Variants in AFG1L observed in about 807,000 individuals in gnomAD.
AFG1L encodes AFG1 like ATPase.
In AFG1L, 53 loss-of-function variants were observed where a neutral mutation model predicts 62.2. That is an observed-to-expected ratio of 0.85 (90% CI 0.68 to 1.07). AFG1L has a LOEUF of 1.07. Among genes scored for constraint, AFG1L ranks in the 50% least tolerant of loss-of-function variants. The pLI, the probability that AFG1L is intolerant of heterozygous loss-of-function variation, is 0.00. For synonymous variants in AFG1L, 228 were observed against 210.3 expected (o/e 1.08, Z -0.73); for missense variants, 555 against 590.5 (o/e 0.94, Z 0.62).
intron 11 of AFG1L, among the ~76,000 whole-genome samples, chr6:108,512,259 T>G (rs1390672305): frequency 6.6e-6 from 1 of 152,158 alleles, no homozygotes; most frequent in Non-Finnish European, 1.5e-5. Flanking sequence ...TGCAGCAACC[T>G]CTCTGGGATG....
At position 108,477,261 on chromosome 6, in the gene AFG1L, C is replaced by G; in HGVS notation, c.1031C>G (p.Ala344Gly). 1 of 1,609,056 alleles carries G rather than the reference C, an allele frequency of 6.2e-7. No individual in the cohort carries two copies. Among genetic ancestry groups the G allele is most frequent in the Non-Finnish European group, 8.5e-7 (1 of 1,176,480 alleles). ...CTGAATAAAGCCTGTGGAACCGTTG[C>G]CGACTGCACATTTGAAGAGCTGTGT... Reference protein sequence around the residue: ...LRLNKACGTVADCTFEELCER... With the variant: ...LRLNKACGTVGDCTFEELCER... The change falls in exon 10 of 13, where the codon GCC becomes GGC. Residue 344 changes from alanine (A) to glycine (G), a missense_variant. Ala to Gly is a moderately conservative substitution (Grantham distance 60). Transcript: ENST00000368977.
rs572342647 is a variant in AFG1L at position 108,341,936 on chromosome 6, G to C, written c.364-5052G>C. 2.6e-5 allele frequency among the ~76,000 whole-genome samples: 4 copies of C among 152,246 alleles called. No individual in the cohort carries two copies. The East Asian group carries it at 5.8e-4, about 22-fold the overall frequency. On this transcript the variant is annotated intron_variant, in intron 2 of 12. Coordinates refer to ENST00000368977, the MANE Select transcript of AFG1L (RefSeq NM_145315.5). ...TGTGTGCATTTTGGGAGTCCGGGAT[G>C]TATCAGAGTCCTGGCAGAAAACAAT...
chr6:108,482,473 A>T (rs956297897), intron 10 of AFG1L, among the ~76,000 whole-genome samples: 1 of 152,166 alleles, frequency 6.6e-6, no homozygotes, highest in Admixed American at 6.5e-5. Context: ...TCTTACATTC[A>T]TATGGTATAT....
Position 108,341,579 on chromosome 6 carries a change from G to T in AFG1L, c.364-5409G>T, listed in dbSNP as rs570409875. On this transcript the variant is annotated intron_variant, in intron 2 of 12. Coordinates refer to ENST00000368977, the MANE Select transcript of AFG1L (RefSeq NM_145315.5). Reference sequence around the variant, plus strand: ...GGAGAGTTGAGAGGGCTTACCCAGGGTCACCTAGCTAATAAATAGCCAGCC... The same window carrying T: ...GGAGAGTTGAGAGGGCTTACCCAGGTTCACCTAGCTAATAAATAGCCAGCC... Among the ~76,000 whole-genome samples, 27 of 152,188 alleles carry T rather than the reference G, an allele frequency of 1.8e-4. No homozygotes were observed. The South Asian group carries it at 5.4e-3, about 30-fold the overall frequency.
chr6:108,302,307 C>T (rs1174819573), intron 1 of AFG1L, among the ~76,000 whole-genome samples: 1 of 152,090 alleles, frequency 6.6e-6, no homozygotes. Flanking sequence ...CTCCGGTCTC[C>T]CATTTTTACT....
At chr6:108,362,097 C>CT (rs957377202) in intron 5 of AFG1L, among the ~76,000 whole-genome samples, 2 of 152,154 alleles carry the variant, frequency 1.3e-5, no homozygotes, top group Non-Finnish European at 2.9e-5. Flanking sequence ...TCCCACTCCC[C>CT]TTACATATAA....
At chr6:108,372,536 G>C (rs1780058948) in intron 6 of AFG1L, among the ~76,000 whole-genome samples, 1 of 151,920 alleles carries the variant, frequency 6.6e-6, no homozygotes, top group African/African-American at 2.4e-5. Flanking sequence ...CACTATGTTG[G>C]CCAGGCTGGT....
At chr6:108,444,963 A>G (rs922798674) in intron 7 of AFG1L, among the ~76,000 whole-genome samples, 1 of 152,198 alleles carries the variant, frequency 6.6e-6, no homozygotes, top group African/African-American at 2.4e-5. Flanking sequence ...CTTTCTAGCT[A>G]TGAAAGTCCT....
chr6:108,365,835 TTTA>T (rs1317735277), intron 5 of AFG1L, among the ~76,000 whole-genome samples: 4 of 152,008 alleles, frequency 2.6e-5, no homozygotes, highest in Non-Finnish European at 4.4e-5. Flanking sequence ...GCCTGTGTAT[TTTA>T]TTATTATTAT....
chr6:108,522,120 A>T (rs1010038230), intron 12 of AFG1L, 177 bp from the exon 13 acceptor site: 19 of 473,556 alleles, frequency 4.0e-5, no homozygotes, highest in African/African-American at 2.7e-4. Context: ...ACTGCCTATC[A>T]GTTTAAATTG....
At chr6:108,502,088 G>A (rs889174236) in intron 10 of AFG1L, among the ~76,000 whole-genome samples, 4 of 152,098 alleles carry the variant, frequency 2.6e-5, no homozygotes, top group African/African-American at 4.8e-5. Flanking sequence ...GTGCAGTGGC[G>A]TGATCTCGGC....
At chr6:108,313,320 C>T (rs1029429227) in intron 1 of AFG1L, among the ~76,000 whole-genome samples, 1 of 152,156 alleles carries the variant, frequency 6.6e-6, no homozygotes, top group African/African-American at 2.4e-5. Context: ...TCAGTTTCTT[C>T]ATCTTTAAAG....
chr6:108,347,819 T>A (rs1379129845), intron 3 of AFG1L, among the ~76,000 whole-genome samples: 2 of 152,206 alleles, frequency 1.3e-5, no homozygotes, highest in East Asian at 1.9e-4. Flanking sequence ...ATGTCTTTTT[T>A]AATTTTTTAA....
intron 6 of AFG1L, among the ~76,000 whole-genome samples, chr6:108,380,590 AT>A (rs1329521318): frequency 2.6e-5 from 4 of 152,316 alleles, no homozygotes; most frequent in East Asian, 3.9e-4. Flanking sequence ...GAGGCCCCCT[AT>A]CCAACTCTGG....
chr6:108,316,311 G>A (rs1369347567), intron 1 of AFG1L, among the ~76,000 whole-genome samples: 1 of 137,670 alleles, frequency 7.3e-6, no homozygotes, highest in Non-Finnish European at 1.6e-5. Flanking sequence ...AACCCGGGAG[G>A]CGGAGCTTGC....
intron 10 of AFG1L, among the ~76,000 whole-genome samples, chr6:108,494,074 G>A (rs187666901): frequency 9.3e-4 from 141 of 152,128 alleles, no homozygotes; most frequent in Middle Eastern, 3.4e-3. Context: ...CGCCCGTCTC[G>A]GCCTCCCAAA....
At chr6:108,325,107 C>T (rs1188612661) in intron 2 of AFG1L, among the ~76,000 whole-genome samples, 1 of 152,212 alleles carries the variant, frequency 6.6e-6, no homozygotes, top group Non-Finnish European at 1.5e-5. Flanking sequence ...CTCCTGTCCT[C>T]AGACTTCTGC....
chr6:108,486,247 G>A (rs533578253), intron 10 of AFG1L, among the ~76,000 whole-genome samples: 1 of 152,132 alleles, frequency 6.6e-6, no homozygotes, highest in East Asian at 1.9e-4. Context: ...AACTGGCCTG[G>A]TTTTTCTTAA....
chr6:108,484,537 C>G, intron 10 of AFG1L, among the ~76,000 whole-genome samples: 1 of 152,134 alleles, frequency 6.6e-6, no homozygotes, highest in East Asian at 1.9e-4. Flanking sequence ...TTCAACCAAC[C>G]CTGAATCCTA....
Sources: gnomAD v4.1 joint callset for allele counts (sites outside exome capture counted in the v4.1 genomes callset) on GRCh38, gnomAD v4.1.1 for gene constraint, MANE v1.5 for transcripts, NCBI Gene and HGNC (gene_info 2026-07-23, HGNC 2026-07-21) for gene names.